RORA: variants seen among roughly 807,000 people sequenced by gnomAD.
RORA encodes RAR related orphan receptor A, also known as nuclear receptor ROR-alpha.
RORA carries 7 observed loss-of-function variants against 69.5 expected under a neutral mutation model. The observed-to-expected ratio is 0.10, with a 90% confidence interval of 0.06 to 0.19. RORA has a LOEUF of 0.19. Among genes scored for constraint, RORA ranks in the 10% least tolerant of loss-of-function variants. The pLI is 1.00. For synonymous variants in RORA, 261 were observed against 240.8 expected, an observed-to-expected ratio of 1.08 and a Z score of -0.78; for missense variants, 457 against 663.0, an observed-to-expected ratio of 0.69 and a Z score of 3.41.
chr15:60,588,389 A>G (rs1364194409), intron 2 of RORA, among the ~76,000 whole-genome samples: 1 of 152,186 alleles, frequency 6.6e-6, no homozygotes, highest in African/African-American at 2.4e-5. Flanking sequence ...GTTGATCCCT[A>G]TAATAATTTA....
intron 1 of RORA, among the ~76,000 whole-genome samples, chr15:60,704,778 A>T (rs1196054621): frequency 2.6e-5 from 4 of 152,220 alleles, no homozygotes; most frequent in African/African-American, 9.6e-5. Context: ...TTATTGATTC[A>T]GTTCCAGACC....
Position 60,912,536 on chromosome 15 carries a change from C to T in RORA, c.167-233850G>A, listed in dbSNP as rs138578581. Among the ~76,000 whole-genome samples, 112 of 152,148 alleles carry T rather than the reference C, an allele frequency of 7.4e-4. 1 individual carries two copies. In the East Asian group the frequency reaches 0.015, roughly 21 times the overall value. ...TTGGGAGGCCGAGGCATGTGGATCA[C>T]GAGATCAGGAGATCGACACCATCTT... On this transcript the variant is annotated intron_variant, in intron 1 of 10. Transcript: ENST00000335670.
chr15:61,184,492 T>C (rs771999648), intron 1 of RORA, among the ~76,000 whole-genome samples: 3 of 152,236 alleles, frequency 2.0e-5, no homozygotes, highest in Non-Finnish European at 2.9e-5. Context: ...GTGGTACCTA[T>C]GTACCTGGTA....
intron 1 of RORA, among the ~76,000 whole-genome samples, chr15:61,013,818 C>T (rs911985848): frequency 1.7e-5 from 2 of 121,134 alleles, no homozygotes; most frequent in Admixed American, 1.1e-4. Context: ...GTGTCTCGCT[C>T]GGTTGCCCAG....
chr15:61,163,335 A>G (rs1384308470), intron 1 of RORA, among the ~76,000 whole-genome samples: 2 of 152,170 alleles, frequency 1.3e-5, no homozygotes, highest in African/African-American at 4.8e-5. Context: ...ATAGAACACT[A>G]GCGATCAGCG....
At chr15:61,227,182 C>A (rs1470517314) in intron 1 of RORA, among the ~76,000 whole-genome samples, 1 of 148,184 alleles carries the variant, frequency 6.7e-6, no homozygotes, top group Non-Finnish European at 1.5e-5. Flanking sequence ...ATTAGTGCAG[C>A]TTCCTAAATA....
rs963042968 is a variant in RORA, at chr15:60,506,234, T to G, written c.821-605A>C. On this transcript the variant is annotated intron_variant, in intron 5 of 10. Coordinates refer to ENST00000335670, the MANE Select transcript of RORA (RefSeq NM_134261.3). ...GCTGTGTGATCTCGGGTATGTTATTTAACCTCTTTGTGCTTGGTTTCCTCA... is the reference window on the plus strand; with the variant it reads ...GCTGTGTGATCTCGGGTATGTTATTGAACCTCTTTGTGCTTGGTTTCCTCA... Among the ~76,000 whole-genome samples the G allele has an allele frequency of 3.3e-5, 5 of 152,152 alleles. No individual in the cohort carries two copies. The South Asian group carries it at 1.0e-3, about 32-fold the overall frequency.
chr15:60,881,686 C>G (rs1348972906), intron 1 of RORA, among the ~76,000 whole-genome samples: 1 of 151,928 alleles, frequency 6.6e-6, no homozygotes, highest in Non-Finnish European at 1.5e-5. Flanking sequence ...AACAGGGTGA[C>G]TTTTTCTGAA....
intron 1 of RORA, among the ~76,000 whole-genome samples, chr15:60,789,903 G>C (rs1000287746): frequency 1.6e-4 from 25 of 152,130 alleles, no homozygotes; most frequent in African/African-American, 5.8e-4. Flanking sequence ...AACTACTTTG[G>C]GGTGCCCAGT....
At chr15:60,530,542 TA>T (rs1567064232) in intron 3 of RORA, 1 of 152,194 alleles carries the variant, frequency 6.6e-6, no homozygotes, top group East Asian at 1.9e-4. Flanking sequence ...GATGGTTCTG[TA>T]GTATGCGGAA....
intron 1 of RORA, among the ~76,000 whole-genome samples, chr15:61,085,618 C>G (rs930543660): frequency 6.6e-6 from 1 of 152,228 alleles, no homozygotes; most frequent in African/African-American, 2.4e-5. Context: ...TTGAGAACCA[C>G]TGATCCATGG....
chr15:60,683,792 CA>C (rs906443238), intron 1 of RORA, among the ~76,000 whole-genome samples: 1 of 152,104 alleles, frequency 6.6e-6, no homozygotes, highest in Non-Finnish European at 1.5e-5. Flanking sequence ...TAAAAGGCCC[CA>C]AAATATTCGG....
At chr15:61,188,129 G>C (rs899241062) in intron 1 of RORA, among the ~76,000 whole-genome samples, 7 of 152,064 alleles carry the variant, frequency 4.6e-5, no homozygotes, top group Admixed American at 6.6e-5. Flanking sequence ...ACCCCAAGCT[G>C]TCTGGGCTTC....
chr15:60,885,808 A>G (rs1324341217), intron 1 of RORA, among the ~76,000 whole-genome samples: 1 of 152,218 alleles, frequency 6.6e-6, no homozygotes, highest in Non-Finnish European at 1.5e-5. Flanking sequence ...CAACTTCCTC[A>G]TGTGTAAAAC....
At chr15:60,575,720 CA>C (rs1448850381) in intron 2 of RORA, among the ~76,000 whole-genome samples, 1 of 152,072 alleles carries the variant, frequency 6.6e-6, no homozygotes, top group Non-Finnish European at 1.5e-5. Flanking sequence ...ATGCCTGGGT[CA>C]AAATCACCGA....
Position 60,577,381 on chromosome 15 carries a change from C to G in RORA, c.197-45530G>C, listed in dbSNP as rs148344365. ...CAAAGAGGCCTGGTGTGGTGGCTCA[C>G]GCCTGTAATCCCAGTACTTTGGGAG... is the stretch of plus-strand genomic sequence containing the variant. On this transcript the variant is annotated intron_variant, in intron 2 of 10. Coordinates refer to ENST00000335670, the MANE Select transcript of RORA (RefSeq NM_134261.3). Among the ~76,000 whole-genome samples, 303 of 152,230 alleles carry G rather than the reference C, an allele frequency of 2.0e-3. 1 individual carries two copies. The highest frequency in any genetic ancestry group is 6.9e-3 in the African/African-American group (287 of 41,526).
At chr15:60,811,926 AT>A (rs2072750104) in intron 1 of RORA, among the ~76,000 whole-genome samples, 1 of 152,124 alleles carries the variant, frequency 6.6e-6, no homozygotes, top group Admixed American at 6.5e-5. Context: ...AAGTTGAATC[AT>A]TTTCATATTC....
intron 1 of RORA, among the ~76,000 whole-genome samples, chr15:60,702,852 C>T (rs988677389): frequency 2.6e-5 from 4 of 152,186 alleles, no homozygotes; most frequent in African/African-American, 9.7e-5. Flanking sequence ...CTTCCATGGT[C>T]ACCTTGTGTG....
At chr15:60,823,930 C>G (rs341377) in intron 1 of RORA, among the ~76,000 whole-genome samples, 37,621 of 152,050 alleles carry the variant, frequency 0.25, 4,734 homozygotes, top group Admixed American at 0.31. Context: ...CATATTAATA[C>G]ATTTTTTTTG....
Sources: gnomAD v4.1 joint callset for allele counts (sites outside exome capture counted in the v4.1 genomes callset) on GRCh38, gnomAD v4.1.1 for gene constraint, MANE v1.5 for transcripts, NCBI Gene and HGNC (gene_info 2026-07-23, HGNC 2026-07-21) for gene names.